The following RANBP2 variants were observed in gnomAD, a reference collection of about 807,000 sequenced individuals.
The protein encoded by RANBP2 is RAN binding protein 2.
Under a neutral mutation model 303.6 loss-of-function variants are expected in RANBP2, and 57 were observed. The ratio of observed to expected loss-of-function variants is 0.19; its 90% CI spans 0.15 to 0.23. The LOEUF is 0.23. Ranked by LOEUF, RANBP2 falls within the 10% of genes least tolerant of loss-of-function variation. The pLI, the probability that RANBP2 is intolerant of heterozygous loss-of-function variation, is 1.00. For synonymous variants in RANBP2, 1,167 were observed against 1,301.5 expected (o/e 0.90, Z 2.23); for missense variants, 3,138 against 3,780.8 (o/e 0.83, Z 4.46).
chr2:109,380,970 G>C, the RANBP2 span, among the ~76,000 whole-genome samples: 1 of 152,254 alleles, frequency 6.6e-6, no homozygotes, highest in African/African-American at 2.4e-5. Flanking sequence ...AGGAGTCGTT[G>C]CTGATTGCCG....
intron 17 of RANBP2, 37 bp from the exon 18 acceptor site, chr2:108,758,372 TTAAA>T: frequency 1.2e-6 from 2 of 1,611,054 alleles, no homozygotes; most frequent in Non-Finnish European, 1.7e-6. Context: ...CATGATATAA[TTAAA>T]TGTTTAAAAT....
At position 108,785,005 on chromosome 2, in the gene RANBP2, A is replaced by G. The variant is rs886603399; in HGVS notation, c.*1104A>G. 2.6e-5 allele frequency: 4 copies of G among 152,246 alleles called. No individual in the cohort carries two copies. Among genetic ancestry groups the G allele is most frequent in the African/African-American group, 4.8e-5 (2 of 41,462 alleles). 9.4% of individuals were successfully genotyped at this position (152,246 alleles called of 1,614,324 possible). A position where few individuals can be genotyped will look rare whatever the true frequency, so the allele number is the denominator to read the frequency against. On this transcript the variant is annotated 3_prime_UTR_variant, in exon 29 of 29. Coordinates refer to ENST00000283195, the MANE Select transcript of RANBP2 (RefSeq NM_006267.5). ...GAGGATGTTCTTATTGGCCTACTCA[A>G]TATGGAACTACAAAGAATCCAGGTA...
At chr2:109,046,768 TC>T in the RANBP2 span, among the ~76,000 whole-genome samples, 1 of 152,078 alleles carries the variant, frequency 6.6e-6, no homozygotes, top group Non-Finnish European at 1.5e-5. Flanking sequence ...GTGCCCTTGG[TC>T]CCTTCCTGCC....
At chr2:109,213,173 C>T in the RANBP2 span, among the ~76,000 whole-genome samples, 115 of 152,266 alleles carry the variant, frequency 7.6e-4, no homozygotes, top group African/African-American at 9.4e-4. Flanking sequence ...CACATGGGCG[C>T]GGTTGCTTAT....
At chr2:109,258,471 C>T in the RANBP2 span, among the ~76,000 whole-genome samples, 1 of 152,166 alleles carries the variant, frequency 6.6e-6, no homozygotes, top group African/African-American at 2.4e-5. Context: ...CTCAGCACAG[C>T]CCACACCTAC....
At chr2:109,318,331 C>G in the RANBP2 span, among the ~76,000 whole-genome samples, 11 of 152,180 alleles carry the variant, frequency 7.2e-5, no homozygotes, top group South Asian at 2.1e-3. Flanking sequence ...TCCCGGCCCC[C>G]AGCCCGGTCC....
At chr2:109,213,329 G>A in the RANBP2 span, among the ~76,000 whole-genome samples, 11 of 152,114 alleles carry the variant, frequency 7.2e-5, no homozygotes, top group African/African-American at 2.7e-4. Flanking sequence ...TACGCCAAAC[G>A]CAGCCCGGGC....
chr2:108,811,602 A>T, the RANBP2 span, among the ~76,000 whole-genome samples: 2 of 151,968 alleles, frequency 1.3e-5, no homozygotes, highest in South Asian at 2.1e-4. Context: ...TCAAAAAGCC[A>T]CTTTTCATTT....
At chr2:109,309,516 G>A in the RANBP2 span, among the ~76,000 whole-genome samples, 1 of 129,002 alleles carries the variant, frequency 7.8e-6, no homozygotes, top group Non-Finnish European at 1.6e-5. Context: ...AACTTTAAAT[G>A]TAAATGGACT....
chr2:108,778,287 C>A (rs1678019057), intron 25 of RANBP2, among the ~76,000 whole-genome samples: 1 of 152,232 alleles, frequency 6.6e-6, no homozygotes, highest in African/African-American at 2.4e-5. Context: ...TCACTTCTCA[C>A]TACCACTTGT....
the RANBP2 span, among the ~76,000 whole-genome samples, chr2:108,841,339 A>G: frequency 6.6e-6 from 1 of 152,142 alleles, no homozygotes; most frequent in Non-Finnish European, 1.5e-5. Context: ...TGTTCTATCA[A>G]GTGTGGAGAG....
chr2:109,170,024 A>G, the RANBP2 span, among the ~76,000 whole-genome samples: 2 of 152,208 alleles, frequency 1.3e-5, no homozygotes, highest in South Asian at 2.1e-4. Context: ...TTATCTTCAT[A>G]TGGCTCATAA....
At chr2:109,549,508 T>C in the RANBP2 span, among the ~76,000 whole-genome samples, 7 of 152,350 alleles carry the variant, frequency 4.6e-5, no homozygotes, top group East Asian at 9.6e-4. Context: ...ACATGAAGCA[T>C]GCATTCATGG....
the RANBP2 span, among the ~76,000 whole-genome samples, chr2:109,681,457 T>G: frequency 6.6e-6 from 1 of 152,194 alleles, no homozygotes; most frequent in Admixed American, 6.5e-5. Context: ...TGAAGATATC[T>G]TTGGTTGGAG....
the RANBP2 span, among the ~76,000 whole-genome samples, chr2:108,855,958 T>C: frequency 6.6e-6 from 1 of 152,202 alleles, no homozygotes; most frequent in African/African-American, 2.4e-5. Context: ...TTTTTTTCCC[T>C]CTGAATAGCA....
the RANBP2 span, among the ~76,000 whole-genome samples, chr2:109,569,716 A>C: frequency 1.3e-5 from 2 of 152,212 alleles, no homozygotes; most frequent in Non-Finnish European, 2.9e-5. Context: ...AATTATGCCA[A>C]GTTAATAACT....
the RANBP2 span, among the ~76,000 whole-genome samples, chr2:109,244,439 C>T: frequency 1.3e-5 from 2 of 152,082 alleles, no homozygotes; most frequent in African/African-American, 4.8e-5. Context: ...CTGATTTTTG[C>T]CCATGAATGC....
the RANBP2 span, among the ~76,000 whole-genome samples, chr2:109,375,744 C>A: frequency 1.3e-5 from 2 of 152,238 alleles, no homozygotes; most frequent in African/African-American, 4.8e-5. Flanking sequence ...TGCAGCCCCC[C>A]TCTCTTTCTG....
the RANBP2 span, among the ~76,000 whole-genome samples, chr2:109,385,358 C>T: frequency 1.3e-5 from 2 of 152,330 alleles, no homozygotes; most frequent in South Asian, 4.1e-4. Flanking sequence ...CCCCAGTGTC[C>T]CCTGAGTCAC....
Sources: allele counts gnomAD v4.1 joint callset (sites outside exome capture counted in the v4.1 genomes callset), GRCh38; gene constraint gnomAD v4.1.1; transcripts MANE v1.5; gene names NCBI Gene and HGNC (gene_info 2026-07-23, HGNC 2026-07-21).